The following DMXL2 variants were observed in gnomAD, a reference collection of about 807,000 sequenced individuals.
DMXL2 encodes Dmx like 2, also known as dmX-like protein 2.
In DMXL2, 103 loss-of-function variants were observed where a neutral mutation model predicts 331.1. The ratio of observed to expected loss-of-function variants is 0.31; its 90% CI spans 0.27 to 0.37. The LOEUF (loss-of-function observed/expected upper bound fraction) is 0.37. DMXL2 is among the 10% of genes least tolerant of loss of function. The pLI, the probability that DMXL2 is intolerant of heterozygous loss-of-function variation, is 1.00. For synonymous variants in DMXL2, 1,281 were observed against 1,252.1 expected (o/e 1.02, Z -0.49); for missense variants, 3,171 against 3,642.9 (o/e 0.87, Z 3.33).
chr15:51,459,238 T>G (rs28362471), intron 34 of DMXL2: 137,992 of 182,310 alleles, frequency 0.76, 52,904 homozygotes, highest in African/African-American at 0.84. Context: ...GGAAAAGTTG[T>G]AAAGAGGGAT....
intron 6 of DMXL2, among the ~76,000 whole-genome samples, chr15:51,553,085 C>CT (rs1268210525): frequency 6.6e-6 from 1 of 152,224 alleles, no homozygotes; most frequent in Non-Finnish European, 1.5e-5. Context: ...ATCACTCACT[C>CT]TAACAGACAC....
chr15:51,505,826 CATAAT>C (rs1048721922), intron 16 of DMXL2, among the ~76,000 whole-genome samples: 7 of 152,140 alleles, frequency 4.6e-5, no homozygotes, highest in African/African-American at 1.7e-4. Flanking sequence ...AATTACAAGA[CATAAT>C]AAAATCTTAC....
Position 51,589,928 on chromosome 15 carries a change from T to C in DMXL2, c.88-13747A>G, listed in dbSNP as rs549957544. Among the ~76,000 whole-genome samples the C allele has an allele frequency of 5.3e-5, 8 of 152,318 alleles. No individual in the cohort carries two copies. In the South Asian group the frequency reaches 1.7e-3, roughly 32 times the overall value. ...TATTAAGATGTTTATTGCACCATTA[T>C]GTAAAGCAATAAAAAAGCAAACAAT... On this transcript the variant is annotated intron_variant, in intron 1 of 43. Transcript: ENST00000560891.
rs369426669 is a variant in DMXL2 at position 51,502,875 on chromosome 15, T to C, written c.2923A>G (p.Arg975Gly). 6.2e-7 allele frequency: 1 copy of C among 1,614,122 alleles called. No individual in the cohort carries two copies. Reference sequence around the variant, plus strand: ...TCAAGGGGTTGGCTATACACCAGTCTAGAACTCAGAATAAGTTTACTGGCA... The same window carrying C: ...TCAAGGGGTTGGCTATACACCAGTCCAGAACTCAGAATAAGTTTACTGGCA... ...QTASKLILSS[R>G]LVYSQPLDLP... is the part of the protein sequence containing the mutation. Residue 975 changes from arginine (R) to glycine (G), a missense_variant, in exon 17 of 44, where the codon AGA becomes GGA. By Grantham distance (125) the Arg-to-Gly change is moderately radical. This residue lies in a region of DMXL2 where 1,674 missense variants were observed against 1,780.2 expected (regional missense o/e 0.94). Coordinates refer to ENST00000560891, the MANE Select transcript of DMXL2 (RefSeq NM_001378457.1).
At chr15:51,495,205 A>G in intron 18 of DMXL2, 71 bp from the exon 19 acceptor site, 1 of 903,084 alleles carries the variant, frequency 1.1e-6, no homozygotes, top group Non-Finnish European at 1.8e-6. Context: ...AAGCTATAAA[A>G]CAAACATTAA....
At chr15:51,464,916 AT>A in intron 31 of DMXL2, 40 bp from the exon 32 acceptor site, 2 of 1,498,272 alleles carry the variant, frequency 1.3e-6, no homozygotes, top group Non-Finnish European at 1.8e-6. Context: ...TTAATAAAAA[AT>A]ATCGATCATC....
At chr15:51,526,562 C>T (rs139059163) in intron 13 of DMXL2, among the ~76,000 whole-genome samples, 3 of 152,164 alleles carry the variant, frequency 2.0e-5, no homozygotes, top group Non-Finnish European at 4.4e-5. Context: ...AAATAAGGTA[C>T]CAGAGACCAA....
Position 51,497,940 on chromosome 15 carries a change from CAA to C in DMXL2, c.4672+610_4672+611del, listed in dbSNP as rs2043298930. Among the ~76,000 whole-genome samples, 3 of 152,180 alleles carry C rather than the reference CAA, an allele frequency of 2.0e-5. No homozygotes were observed. In the South Asian group the frequency reaches 6.2e-4, roughly 32 times the overall value. The stretch of plus-strand genomic sequence containing the variant: ...ATAGGGATCAATCTGTGTTAAAAAA[CAA>C]GAGACTTGGCCAGTCCATGGTGACT... On this transcript the variant is annotated intron_variant, in intron 18 of 43. Transcript: ENST00000560891.
At chr15:51,523,972 T>G (rs2047523766) in intron 13 of DMXL2, among the ~76,000 whole-genome samples, 1 of 152,134 alleles carries the variant, frequency 6.6e-6, no homozygotes, top group Non-Finnish European at 1.5e-5. Context: ...ACACCATCAA[T>G]CAAAACAGGA....
intron 1 of DMXL2, among the ~76,000 whole-genome samples, chr15:51,579,590 T>C (rs373491405): frequency 1.9e-4 from 29 of 152,304 alleles, no homozygotes; most frequent in African/African-American, 6.7e-4. Context: ...AGCTGTATAG[T>C]AAATAAATTA....
Position 51,480,944 on chromosome 15 carries a change from T to C in DMXL2, c.6162A>G (p.Glu2054=). The change falls in exon 24 of 44, where the codon GAA becomes GAG. Residue 2054 remains glutamate (E), a synonymous_variant. Coordinates refer to ENST00000560891, the MANE Select transcript of DMXL2 (RefSeq NM_001378457.1). ...CATAACCTGTAGCCAATGTTCTTAA[T>C]TCAGTCATAAGGATCTTTAAACAAG... ...FRACLKILMT[E]LRTLATGYEV... 1 of 1,613,924 alleles carries C rather than the reference T, an allele frequency of 6.2e-7. No homozygotes were observed. The highest frequency in any genetic ancestry group is 1.3e-5 in the African/African-American group (1 of 75,070).
chr15:51,503,340 A>C (rs946426489), intron 16 of DMXL2, among the ~76,000 whole-genome samples: 4 of 152,238 alleles, frequency 2.6e-5, no homozygotes, highest in Non-Finnish European at 2.9e-5. Context: ...TCAATGAATA[A>C]ATGGATAAAG....
At chr15:51,608,947 T>C (rs1253548488) in intron 1 of DMXL2, among the ~76,000 whole-genome samples, 1 of 152,142 alleles carries the variant, frequency 6.6e-6, no homozygotes, top group Non-Finnish European at 1.5e-5. Context: ...ATTGACTCTG[T>C]AAAATAATAA....
chr15:51,589,221 G>T (rs953139299), intron 1 of DMXL2, among the ~76,000 whole-genome samples: 1 of 152,108 alleles, frequency 6.6e-6, no homozygotes, highest in Admixed American at 6.5e-5. Flanking sequence ...TCAGAAATAA[G>T]GCAACTATTA....
intron 6 of DMXL2, among the ~76,000 whole-genome samples, chr15:51,562,390 A>G (rs1391380099): frequency 6.6e-6 from 1 of 152,206 alleles, no homozygotes; most frequent in Non-Finnish European, 1.5e-5. Context: ...TCAGGAACCT[A>G]TTGGGGGATA....
At chr15:51,544,157 C>A (rs1185355932) in intron 8 of DMXL2, among the ~76,000 whole-genome samples, 1 of 152,270 alleles carries the variant, frequency 6.6e-6, no homozygotes, top group East Asian at 1.9e-4. Context: ...ATACTTGACC[C>A]TGCCTAAATC....
At chr15:51,608,035 A>G (rs1393221962) in intron 1 of DMXL2, among the ~76,000 whole-genome samples, 1 of 152,028 alleles carries the variant, frequency 6.6e-6, no homozygotes, top group Non-Finnish European at 1.5e-5. Context: ...AAATACAAAA[A>G]TTAGCCAGAT....
At chr15:51,575,912 C>T (rs889790215) in intron 2 of DMXL2, 144 bp downstream of exon 2, 10 of 768,596 alleles carry the variant, frequency 1.3e-5, no homozygotes, top group Non-Finnish European at 1.9e-5. Context: ...TTTGTATAAA[C>T]CTATCACTTT....
intron 1 of DMXL2, among the ~76,000 whole-genome samples, chr15:51,615,994 T>C (rs1595770956): frequency 1.3e-5 from 2 of 152,196 alleles, no homozygotes; most frequent in Non-Finnish European, 2.9e-5. Flanking sequence ...ACACTACTGA[T>C]TTAGTACGAA....
Sources: allele counts gnomAD v4.1 joint callset (sites outside exome capture counted in the v4.1 genomes callset), GRCh38; gene constraint gnomAD v4.1.1; regional missense constraint gnomAD v4.1.1; transcripts MANE v1.5; gene names NCBI Gene and HGNC (gene_info 2026-07-23, HGNC 2026-07-21).